The following TAF1 variants were observed in gnomAD, a reference collection of about 807,000 sequenced individuals.
TAF1 encodes the protein transcription initiation factor TFIID subunit 1.
A neutral mutation model predicts 138.5 loss-of-function variants in TAF1; 2 were observed. The observed-to-expected ratio is 0.01, with a 90% CI of 0.01 to 0.05. The LOEUF (loss-of-function observed/expected upper bound fraction) is 0.05, where lower values mean the gene tolerates loss of function less well. Among genes scored for constraint, TAF1 ranks in the 10% least tolerant of loss-of-function variants. The pLI is 1.00. For synonymous variants in TAF1, 437 were observed against 503.2 expected, an observed-to-expected ratio of 0.87 and a Z score of 1.76; for missense variants, 709 against 1,478.0, an observed-to-expected ratio of 0.48 and a Z score of 8.53.
intron 8 of TAF1, among the ~76,000 whole-genome samples, chrX:71,381,240 G>A (rs1189012624): frequency 8.9e-6 from 1 of 111,994 alleles, no homozygotes; most frequent in Admixed American, 9.5e-5. Flanking sequence ...TATTGCAGTG[G>A]ACATTTTTGA....
At chrX:71,454,086 T>C in intron 32 of TAF1, 84 bp from the exon 33 acceptor site, 2 of 864,002 alleles carry the variant, frequency 2.3e-6, no homozygotes, top group Non-Finnish European at 3.4e-6. Flanking sequence ...AGGTCTAGGA[T>C]AATGGGACAC....
chrX:71,443,110 G>C (rs911172694), intron 32 of TAF1, among the ~76,000 whole-genome samples: 2 of 111,833 alleles, frequency 1.8e-5, no homozygotes, highest in Non-Finnish European at 3.8e-5. Context: ...CTCCAGCTTT[G>C]TTCTCTTGGC....
intron 13 of TAF1, among the ~76,000 whole-genome samples, chrX:71,518,696 T>C (rs764116692): frequency 0.043 from 3,879 of 91,080 alleles, 74 homozygotes; most frequent in Middle Eastern, 0.13. Context: ...TTCTTTCTTT[T>C]TTTTTTTTTT....
chrX:71,508,066 T>TTCTCTCTCTCTCTC (rs369650229), intron 13 of TAF1, among the ~76,000 whole-genome samples: 57 of 83,529 alleles, frequency 6.8e-4, no homozygotes, highest in African/African-American at 2.5e-3. Flanking sequence ...TATATGAATA[T>TTCTCTCTCTCTCTC]TCTCTCTCTC....
chrX:71,524,750 G>A (rs2039967445), intron 13 of TAF1, among the ~76,000 whole-genome samples: 1 of 109,521 alleles, frequency 9.1e-6, no homozygotes, highest in Non-Finnish European at 1.9e-5. Context: ...AGACCAGCCT[G>A]GCCAACATGG....
At chrX:71,439,636 T>C (rs997343724) in intron 32 of TAF1, among the ~76,000 whole-genome samples, 4 of 112,323 alleles carry the variant, frequency 3.6e-5, no homozygotes, top group Non-Finnish European at 7.5e-5. Flanking sequence ...TGTTTACTTA[T>C]TACGCTGCTC....
At chrX:71,506,369 G>A (rs1318141744) in intron 13 of TAF1, among the ~76,000 whole-genome samples, 2 of 101,082 alleles carry the variant, frequency 2.0e-5, no homozygotes, top group African/African-American at 7.2e-5. Context: ...GGGCGACAGA[G>A]TGAGACCTCA....
intron 13 of TAF1, among the ~76,000 whole-genome samples, chrX:71,514,029 T>C (rs2039780321): frequency 8.9e-6 from 1 of 111,798 alleles, no homozygotes; most frequent in Non-Finnish European, 1.9e-5. Context: ...CCTTCCATAC[T>C]GTAGAAGCTT....
At chrX:71,452,896 C>CA (rs1422008959) in intron 32 of TAF1, among the ~76,000 whole-genome samples, 1 of 112,108 alleles carries the variant, frequency 8.9e-6, no homozygotes, top group Non-Finnish European at 1.9e-5. Flanking sequence ...CGGTCTCCAC[C>CA]AAAAAAATAC....
rs1444364628 is a variant in TAF1, at chrX:71,465,681, A to G, written c.*1635A>G. 8.9e-6 allele frequency: 1 copy of G among 112,334 alleles called. No individual in the cohort carries two copies. Among genetic ancestry groups the G allele is most frequent in the Non-Finnish European group, 1.9e-5 (1 of 53,322 alleles). The allele number at this position is 112,334 out of a possible 1,213,427, so 9.3% of individuals were successfully genotyped here. A position where few individuals can be genotyped will look rare whatever the true frequency, so the allele number is the denominator to read the frequency against. ...AATAAGCTCTTAGAGGAGTGATATA[A>G]TCAGGTTTGTGTTTTAGAAATCTGT... is the stretch of plus-strand genomic sequence containing the variant. On this transcript the variant is annotated 3_prime_UTR_variant, in exon 38 of 38. Coordinates refer to ENST00000423759, the MANE Select transcript of TAF1 (RefSeq NM_004606.5).
chrX:71,480,288 G>T (rs969219457), intron 13 of TAF1, among the ~76,000 whole-genome samples: 26 of 111,124 alleles, frequency 2.3e-4, no homozygotes, highest in African/African-American at 8.5e-4. Flanking sequence ...CCAGCTACTC[G>T]GGAGGCTGAG....
intron 1 of TAF1, 109 bp from the exon 2 acceptor site, chrX:71,367,390 C>G: frequency 4.2e-6 from 4 of 951,802 alleles, no homozygotes; most frequent in Non-Finnish European, 5.9e-6. Flanking sequence ...ACTGCACAGT[C>G]ATTTTTCATG....
chrX:71,439,686 C>T (rs2037318250), intron 32 of TAF1, among the ~76,000 whole-genome samples: 1 of 111,884 alleles, frequency 8.9e-6, no homozygotes. Context: ...TCCGCAAGAG[C>T]AGTCAAAAAG....
chrX:71,425,806 T>C (rs1477064709), intron 32 of TAF1, among the ~76,000 whole-genome samples: 1 of 111,952 alleles, frequency 8.9e-6, no homozygotes, highest in Admixed American at 9.5e-5. Flanking sequence ...TTTTAAACAT[T>C]GAGTACTTAC....
downstream of TAF1, among the ~76,000 whole-genome samples, chrX:71,469,694 T>TTTTTA (rs1285227426): frequency 3.6e-5 from 4 of 110,377 alleles, no homozygotes; most frequent in African/African-American, 6.6e-5. Flanking sequence ...ACAGTTTTAT[T>TTTTTA]TTTTATTTTA....
At chrX:71,378,146 A>C (rs2033616169) in intron 6 of TAF1, 89 bp from the exon 7 acceptor site, 1 of 930,126 alleles carries the variant, frequency 1.1e-6, no homozygotes, top group African/African-American at 2.0e-5. Context: ...AGTTTCTCTA[A>C]GTTCCCCTCC....
chrX:71,438,718 C>T (rs373643237), intron 32 of TAF1, among the ~76,000 whole-genome samples: 3 of 111,916 alleles, frequency 2.7e-5, no homozygotes, highest in Admixed American at 9.5e-5. Flanking sequence ...TAGCTCTGGC[C>T]GGGGGAGGCC....
chrX:71,445,753 A>G (rs1243491270), intron 32 of TAF1, among the ~76,000 whole-genome samples: 1 of 112,032 alleles, frequency 8.9e-6, no homozygotes, highest in Non-Finnish European at 1.9e-5. Context: ...GAGAATTGAC[A>G]TATTTACTGA....
intron 13 of TAF1, among the ~76,000 whole-genome samples, chrX:71,512,822 A>G (rs1246129749): frequency 8.9e-6 from 1 of 112,052 alleles, no homozygotes; most frequent in Non-Finnish European, 1.9e-5. Context: ...AGTCTCAAAA[A>G]AAAAAGTACA....
Sources: allele counts gnomAD v4.1 joint callset (sites outside exome capture counted in the v4.1 genomes callset), GRCh38; gene constraint gnomAD v4.1.1; transcripts MANE v1.5; gene names NCBI Gene and HGNC (gene_info 2026-07-23, HGNC 2026-07-21).